Variants in PITPNC1 observed in about 807,000 individuals in gnomAD.
The protein encoded by PITPNC1 is cytoplasmic phosphatidylinositol transfer protein 1.
In PITPNC1, 18 loss-of-function variants were observed where a neutral mutation model predicts 44.7. The ratio of observed to expected loss-of-function variants is 0.40; its 90% confidence interval spans 0.28 to 0.60. PITPNC1 has a LOEUF of 0.60. Among genes scored for constraint, PITPNC1 ranks in the 20% least tolerant of loss-of-function variants. The pLI, the probability that PITPNC1 is intolerant of heterozygous loss-of-function variation, is 0.39. For synonymous variants in PITPNC1, 141 were observed against 149.6 expected, an observed-to-expected ratio of 0.94 and a Z score of 0.42; for missense variants, 290 against 418.4, an observed-to-expected ratio of 0.69 and a Z score of 2.68.
chr17:67,624,213 TC>T (rs369101818), intron 5 of PITPNC1, among the ~76,000 whole-genome samples: 3,133 of 71,210 alleles, frequency 0.044, 114 homozygotes, highest in African/African-American at 0.17. Flanking sequence ...TTCTTTCTTT[TC>T]TTTTTTTTTT....
intron 5 of PITPNC1, among the ~76,000 whole-genome samples, chr17:67,631,334 A>G (rs566519789): frequency 8.0e-4 from 121 of 150,852 alleles, no homozygotes; most frequent in African/African-American, 2.8e-3. Flanking sequence ...AACTAAATAT[A>G]TATAAAAATA....
intron 1 of PITPNC1, among the ~76,000 whole-genome samples, chr17:67,495,066 T>G (rs1235253691): frequency 2.3e-5 from 2 of 87,514 alleles, no homozygotes; most frequent in Non-Finnish European, 4.7e-5. Context: ...TTTTTTTTTT[T>G]TTTTTTTTGA....
At chr17:67,421,228 C>T (rs775911683) in intron 1 of PITPNC1, among the ~76,000 whole-genome samples, 7 of 152,114 alleles carry the variant, frequency 4.6e-5, no homozygotes, top group Admixed American at 3.3e-4. Context: ...ATATAGAAGA[C>T]GGATGTCTTT....
Position 67,632,255 on chromosome 17 carries a change from A to T in PITPNC1, c.462+17A>T. 7 of 1,467,898 alleles carry T rather than the reference A, an allele frequency of 4.8e-6. No individual in the cohort carries two copies. The highest frequency in any genetic ancestry group is 6.7e-6 in the Non-Finnish European group (7 of 1,047,060). The allele number at this position is 1,467,898 out of a possible 1,614,324, so 90.9% of individuals were successfully genotyped here. On this transcript the variant is annotated intron_variant, in intron 6 of 8. Transcript: ENST00000581322. The stretch of plus-strand genomic sequence containing the variant: ...GAATCTGAGGTAAGCAACAGTTGGG[A>T]TGAGATGTGGAAGATTCATTCATTC...
At chr17:67,380,324 C>G (rs1182488308) in intron 1 of PITPNC1, among the ~76,000 whole-genome samples, 1 of 152,198 alleles carries the variant, frequency 6.6e-6, no homozygotes, top group African/African-American at 2.4e-5. Flanking sequence ...ATCCGCCTGC[C>G]TCAGCCTCCC....
At chr17:67,385,750 T>A (rs959942293) in intron 1 of PITPNC1, among the ~76,000 whole-genome samples, 1 of 151,160 alleles carries the variant, frequency 6.6e-6, no homozygotes, top group Non-Finnish European at 1.5e-5. Flanking sequence ...AGCTCCGGTT[T>A]TTTTTTTTGT....
intron 4 of PITPNC1, among the ~76,000 whole-genome samples, chr17:67,575,859 CTTCCTT>C (rs2041139646): frequency 2.3e-4 from 3 of 13,106 alleles, no homozygotes; most frequent in Non-Finnish European, 3.9e-4. Context: ...TCTTTCTTTC[CTTCCTT>C]CTTTCTTTCT....
At chr17:67,379,120 T>G (rs894236895) in intron 1 of PITPNC1, 8 of 985,902 alleles carry the variant, frequency 8.1e-6, no homozygotes, top group Non-Finnish European at 9.6e-6. Context: ...CCACGACTGC[T>G]GAGCGTCTCT....
At chr17:67,640,733 T>C (rs1032434707) in intron 6 of PITPNC1, among the ~76,000 whole-genome samples, 1 of 148,142 alleles carries the variant, frequency 6.8e-6, no homozygotes, top group Non-Finnish European at 1.5e-5. Flanking sequence ...CTCACACCTG[T>C]AATCCTAGCA....
chr17:67,439,273 T>C (rs921828555), intron 1 of PITPNC1, among the ~76,000 whole-genome samples: 1 of 152,178 alleles, frequency 6.6e-6, no homozygotes, highest in Non-Finnish European at 1.5e-5. Flanking sequence ...ATTTAGTTAA[T>C]AAAAAATACA....
At chr17:67,509,519 A>G (rs2040151849) in intron 1 of PITPNC1, among the ~76,000 whole-genome samples, 1 of 151,930 alleles carries the variant, frequency 6.6e-6, no homozygotes, top group Non-Finnish European at 1.5e-5. Flanking sequence ...CCTGGGCAAC[A>G]GAGTGAGGCT....
intron 6 of PITPNC1, among the ~76,000 whole-genome samples, chr17:67,645,411 A>G (rs1336122820): frequency 6.6e-6 from 1 of 152,006 alleles, no homozygotes; most frequent in African/African-American, 2.4e-5. Flanking sequence ...GCTCCTGGTT[A>G]AGATGACCAA....
At chr17:67,502,215 A>G (rs1395243957) in intron 1 of PITPNC1, among the ~76,000 whole-genome samples, 3 of 152,114 alleles carry the variant, frequency 2.0e-5, no homozygotes, top group African/African-American at 4.8e-5. Flanking sequence ...ACCATAGCTT[A>G]TGAATTATTC....
chr17:67,387,314 A>C (rs1179098094), intron 1 of PITPNC1, among the ~76,000 whole-genome samples: 1 of 152,170 alleles, frequency 6.6e-6, no homozygotes, highest in Non-Finnish European at 1.5e-5. Flanking sequence ...ACAAGTGGAA[A>C]CATCACACCC....
intron 1 of PITPNC1, among the ~76,000 whole-genome samples, chr17:67,426,514 AACCAAAC>A (rs2038767747): frequency 6.6e-6 from 1 of 152,092 alleles, no homozygotes; most frequent in African/African-American, 2.4e-5. Flanking sequence ...AGGAACAGAA[AACCAAAC>A]ACCACGTGTT....
chr17:67,390,258 A>G (rs184142469), intron 1 of PITPNC1, among the ~76,000 whole-genome samples: 1 of 152,302 alleles, frequency 6.6e-6, no homozygotes, highest in African/African-American at 2.4e-5. Context: ...AGAACATGAT[A>G]CTTAGAGGGA....
At chr17:67,659,279 G>C (rs1050553196) in intron 6 of PITPNC1, among the ~76,000 whole-genome samples, 5 of 152,174 alleles carry the variant, frequency 3.3e-5, no homozygotes, top group African/African-American at 1.2e-4. Flanking sequence ...CTGCACTCTT[G>C]ACTGGGTTTA....
At chr17:67,610,174 T>C (rs972782554) in intron 5 of PITPNC1, among the ~76,000 whole-genome samples, 3 of 152,084 alleles carry the variant, frequency 2.0e-5, no homozygotes, top group Non-Finnish European at 4.4e-5. Flanking sequence ...CCTGGGAGCT[T>C]GTTAGGATCT....
chr17:67,666,546 G>A (rs1190674745), intron 6 of PITPNC1, among the ~76,000 whole-genome samples: 6 of 152,276 alleles, frequency 3.9e-5, no homozygotes, highest in Middle Eastern at 3.4e-3. Flanking sequence ...TCCTGCCAGG[G>A]CATATTACTT....
Sources: allele counts gnomAD v4.1 joint callset (sites outside exome capture counted in the v4.1 genomes callset), GRCh38; gene constraint gnomAD v4.1.1; transcripts MANE v1.5; gene names NCBI Gene and HGNC (gene_info 2026-07-23, HGNC 2026-07-21).